The following TRPC7 variants were observed in gnomAD, a reference collection of about 807,000 sequenced individuals.
TRPC7 encodes the protein short transient receptor potential channel 7.
In TRPC7, 42 loss-of-function variants were observed where a neutral mutation model predicts 90.1. The observed-to-expected ratio is 0.47, with a 90% CI of 0.36 to 0.60. The LOEUF is 0.60. TRPC7 is among the 20% of genes least tolerant of loss of function. The pLI, the probability that TRPC7 is intolerant of heterozygous loss-of-function variation, is 0.00. For missense variants in TRPC7, 955 were observed against 1,112.3 expected, an observed-to-expected ratio of 0.86 and a Z score of 2.01; for synonymous variants, 451 against 436.3, an observed-to-expected ratio of 1.03 and a Z score of -0.42.
At position 136,365,259 on chromosome 5, in the gene TRPC7, G is replaced by T; in HGVS notation, c.-5C>A. 1 of 1,537,094 alleles carries T rather than the reference G, an allele frequency of 6.5e-7. No individual in the cohort carries two copies. Among genetic ancestry groups the T allele is most frequent in the Non-Finnish European group, 8.7e-7 (1 of 1,146,856 alleles). On this transcript the variant is annotated 5_prime_UTR_variant, in exon 1 of 12. Coordinates refer to ENST00000513104, the MANE Select transcript of TRPC7 (RefSeq NM_020389.3). ...AACCATCATAGCTGCTTACATTGAG[G>T]GTGTAATACGCAGGCTTGTTCCTCC...
chr5:136,272,315 G>A (rs577691961), intron 4 of TRPC7, among the ~76,000 whole-genome samples: 78 of 152,302 alleles, frequency 5.1e-4, no homozygotes, highest in Non-Finnish European at 1.0e-3. Context: ...TGGTTTTTCT[G>A]GGCATCAGGA....
intron 5 of TRPC7, among the ~76,000 whole-genome samples, chr5:136,258,181 A>G (rs994493885): frequency 5.9e-5 from 9 of 152,196 alleles, no homozygotes; most frequent in South Asian, 2.1e-4. Context: ...TCCATGGTCA[A>G]ATGTCTGCAT....
intron 3 of TRPC7, among the ~76,000 whole-genome samples, chr5:136,288,682 T>G (rs62385796): frequency 0.014 from 2,179 of 152,318 alleles, 26 homozygotes; most frequent in Non-Finnish European, 0.021. Flanking sequence ...GCTCACATCA[T>G]GCTGAAAGGT....
chr5:136,214,251 C>T (rs1209481978), intron 11 of TRPC7: 2 of 152,504 alleles, frequency 1.3e-5, no homozygotes, highest in Non-Finnish European at 2.9e-5. Flanking sequence ...GGGACTTTCA[C>T]TTTTATTTCC....
At chr5:136,282,412 C>T (rs237613) in intron 3 of TRPC7, among the ~76,000 whole-genome samples, 96,545 of 152,070 alleles carry the variant, frequency 0.63, 31,303 homozygotes, top group African/African-American at 0.77. Context: ...TTATTTACTT[C>T]TCAAAATCAC....
rs35375320 is a variant in TRPC7 at position 136,226,857 on chromosome 5, G to A, written c.2041-602C>T. Among the ~76,000 whole-genome samples the A allele has an allele frequency of 4.2e-3, 642 of 152,268 alleles. 8 individuals carry two copies. The highest frequency in any genetic ancestry group is 0.014 in the African/African-American group (570 of 41,552). On this transcript the variant is annotated intron_variant, in intron 8 of 11. Transcript: ENST00000513104. ...TAAAACAATATTAAGATAGCTTACC[G>A]TATTGTTTTCATACTAGGTCTTCAA...
chr5:136,228,554 AG>A (rs1469005678), intron 8 of TRPC7, among the ~76,000 whole-genome samples: 1 of 135,428 alleles, frequency 7.4e-6, no homozygotes, highest in Non-Finnish European at 1.5e-5. Flanking sequence ...GCTGCTGGGG[AG>A]GCGGGATGAG....
At chr5:136,358,241 G>T (rs1162778818) in intron 1 of TRPC7, among the ~76,000 whole-genome samples, 1 of 152,136 alleles carries the variant, frequency 6.6e-6, no homozygotes, top group Non-Finnish European at 1.5e-5. Context: ...TTTCTATATG[G>T]ATGGAAGAAA....
chr5:136,310,898 G>T (rs1758805641), intron 3 of TRPC7, among the ~76,000 whole-genome samples: 1 of 152,094 alleles, frequency 6.6e-6, no homozygotes, highest in Non-Finnish European at 1.5e-5. Flanking sequence ...ATAGGTGGTG[G>T]TTAACACAAT....
At chr5:136,253,335 C>T (rs962043625) in intron 5 of TRPC7, among the ~76,000 whole-genome samples, 1 of 152,116 alleles carries the variant, frequency 6.6e-6, no homozygotes, top group Non-Finnish European at 1.5e-5. Context: ...AAATTACCGG[C>T]ATACCTTGTT....
intron 5 of TRPC7, among the ~76,000 whole-genome samples, chr5:136,257,389 G>A (rs1252224226): frequency 6.6e-6 from 1 of 151,916 alleles, no homozygotes; most frequent in African/African-American, 2.4e-5. Flanking sequence ...CACCATATTG[G>A]CCAGGCTGGT....
At chr5:136,216,138 G>A in intron 11 of TRPC7, 62 bp downstream of exon 11, 2 of 1,408,068 alleles carry the variant, frequency 1.4e-6, no homozygotes, top group Middle Eastern at 1.7e-4. Flanking sequence ...CCGTAGCCCA[G>A]TGAGACCCAC....
chr5:136,359,857 T>C (rs56318550), intron 1 of TRPC7, among the ~76,000 whole-genome samples: 2,855 of 152,236 alleles, frequency 0.019, 41 homozygotes, highest in Non-Finnish European at 0.029. Flanking sequence ...ACTCAGCCTG[T>C]CCTACAATAG....
intron 10 of TRPC7, among the ~76,000 whole-genome samples, chr5:136,218,471 T>G (rs1755347341): frequency 1.3e-5 from 2 of 152,188 alleles, no homozygotes; most frequent in Non-Finnish European, 2.9e-5. Flanking sequence ...CCTCAGGAAT[T>G]AAGGGTTCTT....
At chr5:136,292,545 A>G (rs1216211360) in intron 3 of TRPC7, among the ~76,000 whole-genome samples, 4 of 152,262 alleles carry the variant, frequency 2.6e-5, no homozygotes, top group African/African-American at 7.2e-5. Context: ...AAAATCTAGA[A>G]GAAATGGATA....
chr5:136,265,675 C>T (rs1309498106), intron 5 of TRPC7, among the ~76,000 whole-genome samples: 1 of 152,164 alleles, frequency 6.6e-6, no homozygotes, highest in Non-Finnish European at 1.5e-5. Flanking sequence ...CAGTGGCAGA[C>T]TGTGGCAGCA....
chr5:136,325,393 C>A (rs1759315449), intron 2 of TRPC7, among the ~76,000 whole-genome samples: 1 of 152,116 alleles, frequency 6.6e-6, no homozygotes, highest in Non-Finnish European at 1.5e-5. Flanking sequence ...GAAGTAGGGT[C>A]AAGAGAAGCT....
intron 2 of TRPC7, among the ~76,000 whole-genome samples, chr5:136,352,550 C>A (rs1407783935): frequency 6.6e-6 from 1 of 151,904 alleles, no homozygotes; most frequent in Non-Finnish European, 1.5e-5. Flanking sequence ...TGGCTGTTAC[C>A]CAACTGAGGT....
At chr5:136,315,874 A>G (rs534305185) in intron 2 of TRPC7, 95 bp from the exon 3 acceptor site, 1 of 1,183,112 alleles carries the variant, frequency 8.5e-7, no homozygotes, top group African/African-American at 1.5e-5. Context: ...TGCTCACCAC[A>G]TGTGACCTTA....
Sources: allele counts gnomAD v4.1 joint callset (sites outside exome capture counted in the v4.1 genomes callset), GRCh38; gene constraint gnomAD v4.1.1; transcripts MANE v1.5; gene names NCBI Gene and HGNC (gene_info 2026-07-23, HGNC 2026-07-21).